Variants in PTPN21 observed in about 807,000 individuals in gnomAD.
PTPN21 encodes the protein protein tyrosine phosphatase non-receptor type 21.
In PTPN21, 77 loss-of-function variants were observed where a neutral mutation model predicts 131.8. That is an observed-to-expected ratio of 0.58 (90% CI 0.49 to 0.71). PTPN21 has a LOEUF of 0.71. Ranked by LOEUF, PTPN21 falls within the 30% of genes least tolerant of loss-of-function variation. The pLI is 0.00. For synonymous variants in PTPN21, 715 were observed against 621.3 expected, an observed-to-expected ratio of 1.15 and a Z score of -2.24; for missense variants, 1,552 against 1,527.1, an observed-to-expected ratio of 1.02 and a Z score of -0.27.
chr14:88,550,724 C>T (rs567266260), intron 1 of PTPN21, 105 bp from the exon 2 acceptor site: 112 of 261,386 alleles, frequency 4.3e-4, no homozygotes, highest in African/African-American at 2.4e-3. Flanking sequence ...CGTCCCTCTC[C>T]ACTGGAAAAA....
At chr14:88,544,329 G>T (rs1007556712) in intron 2 of PTPN21, among the ~76,000 whole-genome samples, 10 of 151,992 alleles carry the variant, frequency 6.6e-5, no homozygotes. Context: ...CTGGGCAACA[G>T]AGCAAGACTC....
At chr14:88,486,661 T>C (rs2077737770) in intron 10 of PTPN21, among the ~76,000 whole-genome samples, 1 of 152,120 alleles carries the variant, frequency 6.6e-6, no homozygotes, top group Non-Finnish European at 1.5e-5. Flanking sequence ...AAATTTCTGA[T>C]TTGTTTTGAA....
At chr14:88,475,080 G>C (rs1306534504) in intron 13 of PTPN21, among the ~76,000 whole-genome samples, 1 of 151,742 alleles carries the variant, frequency 6.6e-6, no homozygotes, top group African/African-American at 2.4e-5. Flanking sequence ...GGCAGAGTGA[G>C]ACTCCGTCTC....
At chr14:88,483,212 CA>C (rs10586298) in intron 12 of PTPN21, among the ~76,000 whole-genome samples, 30,773 of 95,440 alleles carry the variant, frequency 0.32, 2,965 homozygotes, top group East Asian at 0.4. Context: ...ACTCCGTCTC[CA>C]AAAAAAAAAA....
In PTPN21 at chr14:88,550,253, C is replaced by A. The variant is rs144270668; in HGVS notation, c.165G>T (p.Arg55Ser). The change falls in exon 2 of 19, where the codon AGG becomes AGT. Residue 55 changes from arginine to serine, a missense_variant. Arg to Ser is a moderately radical substitution (Grantham distance 110). Transcript: ENST00000556564. ...GGTGGCTTACCTCCCGCAGCTCCAG[C>A]CTCTGGGCCACGGCCTCGAGGCTTT... ...GQESLEAVAQ[R>S]LELREVTYFS... is the part of the protein sequence containing the mutation. 1 of 1,613,744 alleles carries A rather than the reference C, an allele frequency of 6.2e-7. No homozygotes were observed. The highest frequency in any genetic ancestry group is 8.5e-7 in the Non-Finnish European group (1 of 1,179,920).
In PTPN21 at chr14:88,533,400, C is replaced by T. The variant is rs930054176; in HGVS notation, c.181-16139G>A. 1.8e-4 allele frequency among the ~76,000 whole-genome samples: 27 copies of T among 152,298 alleles called. 1 individual carries two copies. In the Middle Eastern group the frequency reaches 0.01, roughly 58 times the overall value. ...TAGTGATGTTGTAGTTGCTAAGTTGCAGTGCAATGCATTACTCACATGTCT... is the reference window on the plus strand; with the variant it reads ...TAGTGATGTTGTAGTTGCTAAGTTGTAGTGCAATGCATTACTCACATGTCT... On this transcript the variant is annotated intron_variant, in intron 2 of 18. Coordinates refer to ENST00000556564, the MANE Select transcript of PTPN21 (RefSeq NM_007039.4).
At chr14:88,526,351 C>T (rs2078474891) in intron 2 of PTPN21, among the ~76,000 whole-genome samples, 1 of 151,648 alleles carries the variant, frequency 6.6e-6, no homozygotes, top group Non-Finnish European at 1.5e-5. Context: ...AGTTCAAGAC[C>T]AGCCTGACCA....
At chr14:88,529,821 A>G (rs2078529193) in intron 2 of PTPN21, among the ~76,000 whole-genome samples, 1 of 152,054 alleles carries the variant, frequency 6.6e-6, no homozygotes, top group Non-Finnish European at 1.5e-5. Flanking sequence ...ATCTCTACCA[A>G]AAATATAAAA....
At position 88,467,900 on chromosome 14, in the gene PTPN21, C is replaced by T; in HGVS notation, c.*237G>A. On this transcript the variant is annotated 3_prime_UTR_variant, in exon 19 of 19. Coordinates refer to ENST00000556564, the MANE Select transcript of PTPN21 (RefSeq NM_007039.4). ...GTACTGCAAACCGGACAGACCGGGG[C>T]AGGGCAAGGCCCTTGAAACCAAGTC... The T allele has an allele frequency of 1.7e-6, 1 of 585,042 alleles. No individual in the cohort carries two copies. Among genetic ancestry groups the T allele is most frequent in the East Asian group, 3.0e-5 (1 of 32,836 alleles). 36.2% of individuals were successfully genotyped at this position (585,042 alleles called of 1,614,324 possible).
intron 2 of PTPN21, among the ~76,000 whole-genome samples, chr14:88,523,482 A>C (rs1186664990): frequency 6.6e-6 from 1 of 152,164 alleles, no homozygotes; most frequent in Non-Finnish European, 1.5e-5. Flanking sequence ...AAAAACCCAC[A>C]GCTAATATCA....
intron 4 of PTPN21, 129 bp from the exon 5 acceptor site, chr14:88,505,500 A>G (rs1451235097): frequency 7.4e-6 from 4 of 538,640 alleles, no homozygotes; most frequent in Non-Finnish European, 1.3e-5. Context: ...TGTTATAGCT[A>G]TATAAAGTAT....
At chr14:88,554,212 C>T (rs1355991856) in intron 1 of PTPN21, among the ~76,000 whole-genome samples, 1 of 152,144 alleles carries the variant, frequency 6.6e-6, no homozygotes, top group East Asian at 1.9e-4. Flanking sequence ...AATCACAAGT[C>T]GGAATTTGCA....
In PTPN21 at chr14:88,469,939, T is replaced by C. The variant is rs755271546; in HGVS notation, c.2983A>G (p.Met995Val). 5.6e-6 allele frequency: 9 copies of C among 1,613,984 alleles called. No homozygotes were observed. The highest frequency in any genetic ancestry group is 2.2e-5 in the East Asian group (1 of 44,890). The change falls in exon 16 of 19, where the codon ATG (methionine) becomes GTG (valine). Residue 995 changes from methionine (M) to valine (V), a missense_variant. By Grantham distance (21) the Met-to-Val change is conservative (BLOSUM62 1). Transcript: ENST00000556564. The surrounding 1 kb of genome is among the most constrained non-coding windows in gnomAD (Gnocchi z 4.3). ...VWEQGIAIIA[M>V]VTAEEEGGRE... Reference sequence around the variant, plus strand: ...GTACCTACCTCTTCTGCTGTCACCATTGCTATAATTGCAATTCCCTGTTCC... The same window carrying C: ...GTACCTACCTCTTCTGCTGTCACCACTGCTATAATTGCAATTCCCTGTTCC...
At chr14:88,490,650 C>T (rs2140115732) in intron 10 of PTPN21, among the ~76,000 whole-genome samples, 1 of 152,304 alleles carries the variant, frequency 6.6e-6, no homozygotes, top group African/African-American at 2.4e-5. Flanking sequence ...CCAGGCAGGG[C>T]CTACTCTAGT....
chr14:88,473,563 TA>T, intron 14 of PTPN21, 101 bp downstream of exon 14: 2 of 1,382,602 alleles, frequency 1.4e-6, no homozygotes, highest in Non-Finnish European at 2.0e-6. Context: ...CATTTATTAT[TA>T]AATTGTGTTA....
chr14:88,480,362 A>G lies in PTPN21; in HGVS notation c.1079-10T>C. Reference sequence around the variant, plus strand: ...GGCACAAAGAGGTTATCTAGAAAAAATGAGTTCAAAATGAGATTTTTTTAA... The same window carrying G: ...GGCACAAAGAGGTTATCTAGAAAAAGTGAGTTCAAAATGAGATTTTTTTAA... On this transcript the variant is annotated splice_polypyrimidine_tract_variant and intron_variant, in intron 12 of 18. Coordinates refer to ENST00000556564, the MANE Select transcript of PTPN21 (RefSeq NM_007039.4). The G allele has an allele frequency of 6.3e-7, 1 of 1,589,984 alleles. No homozygotes were observed. The highest frequency in any genetic ancestry group is 8.6e-7 in the Non-Finnish European group (1 of 1,161,866).
chr14:88,511,104 C>G (rs1566834349), intron 3 of PTPN21, among the ~76,000 whole-genome samples: 2 of 151,862 alleles, frequency 1.3e-5, no homozygotes. Flanking sequence ...TTTGTAGAAA[C>G]AGGGTCTCTC....
At chr14:88,523,724 CA>C (rs2078434347) in intron 2 of PTPN21, among the ~76,000 whole-genome samples, 1 of 142,534 alleles carries the variant, frequency 7.0e-6, no homozygotes, top group Non-Finnish European at 1.6e-5. Context: ...GTGACACACA[CA>C]CACACACACA....
At chr14:88,480,431 T>G in intron 12 of PTPN21, 79 bp from the exon 13 acceptor site, 1 of 1,111,740 alleles carries the variant, frequency 9.0e-7, no homozygotes. Flanking sequence ...GGCCCTTACC[T>G]CTGATGACAT....
Sources: gnomAD v4.1 joint callset for allele counts (sites outside exome capture counted in the v4.1 genomes callset) on GRCh38, gnomAD v4.1.1 for gene constraint, Gnocchi (gnomAD v3.1) non-coding constraint, MANE v1.5 for transcripts, NCBI Gene and HGNC (gene_info 2026-07-23, HGNC 2026-07-21) for gene names.